The following ABL2 variants were observed in gnomAD, a reference collection of about 807,000 sequenced individuals.
ABL2 encodes tyrosine-protein kinase ABL2.
A neutral mutation model predicts 107.7 loss-of-function variants in ABL2; 49 were observed. The ratio of observed to expected loss-of-function variants is 0.45; its 90% CI spans 0.36 to 0.58. The LOEUF is 0.58. Ranked by LOEUF, ABL2 falls within the 20% of genes least tolerant of loss-of-function variation. ABL2 has a pLI of 0.00. For synonymous variants in ABL2, 549 were observed against 548.6 expected (o/e 1.00, Z -0.01); for missense variants, 1,245 against 1,457.0 (o/e 0.85, Z 2.37).
chr1:179,148,990 CTAACTT>C (rs997268664), intron 1 of ABL2, among the ~76,000 whole-genome samples: 5 of 150,840 alleles, frequency 3.3e-5, no homozygotes, highest in African/African-American at 1.2e-4. Flanking sequence ...TTGCATGTCT[CTAACTT>C]TAAACCAAAA....
At chr1:179,141,009 G>A (rs540182094) in intron 1 of ABL2, among the ~76,000 whole-genome samples, 7 of 151,858 alleles carry the variant, frequency 4.6e-5, no homozygotes, top group South Asian at 2.1e-4. Context: ...CCAACTACTC[G>A]GGAGGCTGAG....
intron 1 of ABL2, among the ~76,000 whole-genome samples, chr1:179,217,331 C>T (rs1468453770): frequency 6.9e-6 from 1 of 145,156 alleles, no homozygotes; most frequent in Non-Finnish European, 1.5e-5. Context: ...AAGAGCCGCT[C>T]GGCCTGTGGC....
chr1:179,148,916 A>G (rs200171643), intron 1 of ABL2, among the ~76,000 whole-genome samples: 2 of 85,438 alleles, frequency 2.3e-5, no homozygotes, highest in African/African-American at 3.1e-5. Context: ...AAAAAAAAGG[A>G]AAAAAAAAAA....
Position 179,112,319 on chromosome 1 carries a change from G to A in ABL2, c.1641C>T (p.Ser547=). ...QAFETMFHDS[S]ISEEVAEELG... The stretch of plus-strand genomic sequence containing the variant: ...CCAACAGATTCTCACCTTCAGAAAT[G>A]CTGGAGTCATGGAACATGGTTTCAA... The change falls in exon 10 of 12, where the codon AGC becomes AGT. Residue 547 remains serine, a synonymous_variant. Transcript: ENST00000502732. 6.2e-7 allele frequency: 1 copy of A among 1,613,202 alleles called. No homozygotes were observed. Among genetic ancestry groups the A allele is most frequent in the South Asian group, 1.1e-5 (1 of 91,036 alleles).
chr1:179,118,601 C>G lies in ABL2; in HGVS notation c.1209G>C (p.Lys403Asn). 1 of 1,613,246 alleles carries G rather than the reference C, an allele frequency of 6.2e-7. No homozygotes were observed. Among genetic ancestry groups the G allele is most frequent in the South Asian group, 1.1e-5 (1 of 91,012 alleles). The change falls in exon 7 of 12, where the codon AAG (lysine) becomes AAC (asparagine). Residue 403 changes from lysine (K) to asparagine (N), a missense_variant. Lys to Asn is a moderately conservative substitution (Grantham distance 94, BLOSUM62 0). This residue lies in a region of ABL2 where 320 missense variants were observed against 547.0 expected (regional missense o/e 0.59). Coordinates refer to ENST00000502732, the MANE Select transcript of ABL2 (RefSeq NM_007314.4). ...ISSAMEYLEK[K>N]NFIHRDLAAR... ...GTTTTACACACCTATGGATGAAATT[C>G]TTCTTCTCTAAGTACTCCATTGCAG...
In ABL2 at chr1:179,190,203, G is replaced by A. The variant is rs185362187; in HGVS notation, c.157+39038C>T. On this transcript the variant is annotated intron_variant, in intron 1 of 11. Coordinates refer to ENST00000502732, the MANE Select transcript of ABL2 (RefSeq NM_007314.4). The stretch of plus-strand genomic sequence containing the variant: ...ACAAGTCCAGGGCTCAGGCCCACAT[G>A]ACTGTCCCAGACTTCAGATGCCATT... Among the ~76,000 whole-genome samples, 19 of 152,208 alleles carry A rather than the reference G, an allele frequency of 1.2e-4. No individual in the cohort carries two copies. The East Asian group carries it at 3.3e-3, about 26-fold the overall frequency.
chr1:179,214,307 A>G (rs1662442583), intron 1 of ABL2, among the ~76,000 whole-genome samples: 3 of 151,976 alleles, frequency 2.0e-5, no homozygotes, highest in Admixed American at 2.0e-4. Context: ...ATTTGATATG[A>G]CCATCAAAAT....
intron 1 of ABL2, among the ~76,000 whole-genome samples, chr1:179,177,512 C>A (rs903634652): frequency 2.6e-5 from 4 of 152,168 alleles, no homozygotes; most frequent in Admixed American, 2.6e-4. Context: ...CTTCCTTATC[C>A]AACAAAACTT....
chr1:179,141,122 A>AG (rs1657547321), intron 1 of ABL2, among the ~76,000 whole-genome samples: 1 of 151,418 alleles, frequency 6.6e-6, no homozygotes, highest in African/African-American at 2.4e-5. Context: ...TCTCAAAAAA[A>AG]AAAAAAAAAA....
At chr1:179,179,289 A>C (rs1660230766) in intron 1 of ABL2, among the ~76,000 whole-genome samples, 2 of 152,248 alleles carry the variant, frequency 1.3e-5, no homozygotes, top group Admixed American at 1.3e-4. Flanking sequence ...TATACTAATT[A>C]TGACTGTCAT....
chr1:179,161,356 G>GA (rs58594632), intron 1 of ABL2, among the ~76,000 whole-genome samples: 60,656 of 123,202 alleles, frequency 0.49, 12,911 homozygotes, highest in Admixed American at 0.55. Context: ...TACCTCAAAA[G>GA]AAAAAAAAAA....
chr1:179,163,532 C>A (rs1427214064), intron 1 of ABL2, among the ~76,000 whole-genome samples: 6 of 151,874 alleles, frequency 4.0e-5, no homozygotes, highest in African/African-American at 1.5e-4. Flanking sequence ...GGATCACTTG[C>A]GGTCAGGAGT....
chr1:179,226,836 T>A (rs140013605), intron 1 of ABL2, among the ~76,000 whole-genome samples: 1 of 152,026 alleles, frequency 6.6e-6, no homozygotes, highest in African/African-American at 2.4e-5. Flanking sequence ...GGGTCCAGAG[T>A]TCATGCCCTT....
At chr1:179,206,541 G>C (rs2102856940) in intron 1 of ABL2, among the ~76,000 whole-genome samples, 1 of 149,360 alleles carries the variant, frequency 6.7e-6, no homozygotes, top group Non-Finnish European at 1.5e-5. Context: ...TTACTGACAT[G>C]AAAGAATGTC....
chr1:179,197,258 C>CA (rs1023638406), intron 1 of ABL2, among the ~76,000 whole-genome samples: 42 of 142,666 alleles, frequency 2.9e-4, no homozygotes, highest in Admixed American at 4.9e-4. Context: ...ACACTAAAGA[C>CA]AAAAAAAAAA....
At chr1:179,139,575 G>A (rs147958241) in intron 1 of ABL2, among the ~76,000 whole-genome samples, 1 of 152,226 alleles carries the variant, frequency 6.6e-6, no homozygotes, top group Non-Finnish European at 1.5e-5. Flanking sequence ...AAATTCCATT[G>A]GCACTGCCTT....
chr1:179,223,559 T>C (rs1254783637), intron 1 of ABL2, among the ~76,000 whole-genome samples: 1 of 152,114 alleles, frequency 6.6e-6, no homozygotes, highest in South Asian at 2.1e-4. Flanking sequence ...TACCACAACT[T>C]ATTACTTTGC....
intron 1 of ABL2, among the ~76,000 whole-genome samples, chr1:179,175,891 T>A (rs1382893197): frequency 6.6e-6 from 1 of 150,670 alleles, no homozygotes; most frequent in East Asian, 1.9e-4. Context: ...GGGCTCCTTC[T>A]GTCGGCCAGG....
chr1:179,175,582 G>A (rs535171524), intron 1 of ABL2, among the ~76,000 whole-genome samples: 6 of 152,326 alleles, frequency 3.9e-5, no homozygotes, highest in South Asian at 2.1e-4. Context: ...AGCTACTTTC[G>A]GGGTAGGATA....
Sources: allele counts gnomAD v4.1 joint callset (sites outside exome capture counted in the v4.1 genomes callset), GRCh38; gene constraint gnomAD v4.1.1; regional missense constraint gnomAD v4.1.1; transcripts MANE v1.5; gene names NCBI Gene and HGNC (gene_info 2026-07-23, HGNC 2026-07-21).